CADM2: variants seen among roughly 807,000 people sequenced by gnomAD.
The protein encoded by CADM2 is cell adhesion molecule 2, also known as immunoglobulin superfamily member 4D.
CADM2 carries 12 observed loss-of-function variants against 49.8 expected under a neutral mutation model. The observed-to-expected ratio is 0.24, with a 90% CI of 0.15 to 0.39. CADM2 has a LOEUF of 0.39. CADM2 is among the 10% of genes least tolerant of loss of function. CADM2 has a pLI of 1.00. For synonymous variants in CADM2, 214 were observed against 175.4 expected, an observed-to-expected ratio of 1.22 and a Z score of -1.74; for missense variants, 378 against 492.3, an observed-to-expected ratio of 0.77 and a Z score of 2.20.
At chr3:85,853,433 C>G (rs1041186160) in intron 3 of CADM2, among the ~76,000 whole-genome samples, 1 of 151,560 alleles carries the variant, frequency 6.6e-6, no homozygotes, top group Non-Finnish European at 1.5e-5. Context: ...AAATTATAGG[C>G]GATTAAGCAA....
chr3:85,900,951 G>A (rs1716036615), intron 5 of CADM2, among the ~76,000 whole-genome samples: 1 of 152,098 alleles, frequency 6.6e-6, no homozygotes. Flanking sequence ...GACCTTCTTT[G>A]AATGCATAAG....
At chr3:85,673,790 AT>A in intron 1 of CADM2, among the ~76,000 whole-genome samples, 1 of 152,276 alleles carries the variant, frequency 6.6e-6, no homozygotes, top group East Asian at 1.9e-4. Context: ...ATGATGTGGC[AT>A]GTGTAGGATA....
At chr3:86,022,083 A>G (rs766110688) in intron 8 of CADM2, among the ~76,000 whole-genome samples, 1 of 152,166 alleles carries the variant, frequency 6.6e-6, no homozygotes, top group Non-Finnish European at 1.5e-5. Flanking sequence ...ACCTTATAAT[A>G]TCATGTTGTA....
At chr3:85,269,600 TAG>T (rs776864606) in intron 1 of CADM2, among the ~76,000 whole-genome samples, 29 of 151,316 alleles carry the variant, frequency 1.9e-4, no homozygotes, top group Non-Finnish European at 2.4e-4. Context: ...TTTGTATAGT[TAG>T]TTTAACATTT....
chr3:85,687,696 CA>C, intron 1 of CADM2, among the ~76,000 whole-genome samples: 1 of 152,216 alleles, frequency 6.6e-6, no homozygotes, highest in African/African-American at 2.4e-5. Flanking sequence ...TGTCGATATG[CA>C]AACATGAGAT....
intron 1 of CADM2, among the ~76,000 whole-genome samples, chr3:85,504,447 T>C (rs914924319): frequency 2.6e-5 from 4 of 152,174 alleles, no homozygotes; most frequent in African/African-American, 4.8e-5. Flanking sequence ...TCACTGCTGC[T>C]CGGGCAGCCT....
chr3:85,833,993 A>G (rs944237097), intron 3 of CADM2, among the ~76,000 whole-genome samples: 10 of 151,684 alleles, frequency 6.6e-5, no homozygotes, highest in Non-Finnish European at 8.9e-5. Flanking sequence ...ATCCATGTAC[A>G]TGGGATGTAT....
At position 85,205,782 on chromosome 3, in the gene CADM2, T is replaced by C. The variant is rs570476032; in HGVS notation, c.61+246114T>C. Reference sequence around the variant, plus strand: ...AGTTGGACATCATAATACATGAGTATTTAATTTGGAGGTCAAATTAACATC... The same window carrying C: ...AGTTGGACATCATAATACATGAGTACTTAATTTGGAGGTCAAATTAACATC... On this transcript the variant is annotated intron_variant, in intron 1 of 9. Coordinates refer to ENST00000383699, the MANE Select transcript of CADM2 (RefSeq NM_001167675.2). Among the ~76,000 whole-genome samples the C allele has an allele frequency of 1.3e-3, 193 of 152,242 alleles. 1 individual carries two copies. Among genetic ancestry groups the C allele is most frequent in the African/African-American group, 4.2e-3 (175 of 41,556 alleles).
At chr3:85,658,428 T>C (rs2065275229) in intron 1 of CADM2, among the ~76,000 whole-genome samples, 1 of 151,762 alleles carries the variant, frequency 6.6e-6, no homozygotes, top group East Asian at 1.9e-4. Context: ...ACATTTGCTT[T>C]TTTAAGCCAC....
chr3:85,326,601 T>C (rs896313900), intron 1 of CADM2, among the ~76,000 whole-genome samples: 1 of 152,300 alleles, frequency 6.6e-6, no homozygotes, highest in South Asian at 2.1e-4. Context: ...TAATCAATTT[T>C]GAAATGATTT....
rs1227194264 is a variant in CADM2 at position 85,621,410 on chromosome 3, C to T, written c.62-105112C>T. ...ATAATTCTACAGACACGTCATATTC[C>T]TATGTTAGCAATTTATAAGTATTCT... is the stretch of plus-strand genomic sequence containing the variant. On this transcript the variant is annotated intron_variant, in intron 1 of 9. Transcript: ENST00000383699. Among the ~76,000 whole-genome samples the T allele has an allele frequency of 3.3e-5, 5 of 151,940 alleles. No individual in the cohort carries two copies. In the East Asian group the frequency reaches 9.6e-4, roughly 29 times the overall value.
At chr3:85,184,313 G>T (rs922995467) in intron 1 of CADM2, among the ~76,000 whole-genome samples, 1 of 152,102 alleles carries the variant, frequency 6.6e-6, no homozygotes, top group Non-Finnish European at 1.5e-5. Context: ...CAACTCTTTT[G>T]GTAAGTGGGA....
chr3:85,788,708 C>A (rs1359251103), intron 2 of CADM2, among the ~76,000 whole-genome samples: 1 of 151,400 alleles, frequency 6.6e-6, no homozygotes, highest in Non-Finnish European at 1.5e-5. Flanking sequence ...TTAGGAAAAA[C>A]CAGCATGAAA....
chr3:85,377,146 G>T (rs2033639272), intron 1 of CADM2, among the ~76,000 whole-genome samples: 1 of 151,926 alleles, frequency 6.6e-6, no homozygotes, highest in African/African-American at 2.4e-5. Flanking sequence ...TGCCTATTTA[G>T]CAATATACAT....
intron 1 of CADM2, among the ~76,000 whole-genome samples, chr3:85,480,753 T>C (rs1421990087): frequency 6.6e-6 from 1 of 151,874 alleles, no homozygotes; most frequent in African/African-American, 2.4e-5. Context: ...TACAACAGGT[T>C]GCTCATTTCA....
chr3:85,059,458 G>A (rs1477784268), intron 1 of CADM2, among the ~76,000 whole-genome samples: 1 of 152,024 alleles, frequency 6.6e-6, no homozygotes, highest in Non-Finnish European at 1.5e-5. Context: ...AATGATAACT[G>A]ACACTAAGAG....
At chr3:85,333,331 A>G (rs1290214529) in intron 1 of CADM2, among the ~76,000 whole-genome samples, 1 of 151,880 alleles carries the variant, frequency 6.6e-6, no homozygotes, top group Non-Finnish European at 1.5e-5. Context: ...TGAGGGTGAT[A>G]GAATACCTTC....
At chr3:85,037,820 A>G (rs979511174) in intron 1 of CADM2, among the ~76,000 whole-genome samples, 2 of 152,128 alleles carry the variant, frequency 1.3e-5, no homozygotes, top group Admixed American at 6.5e-5. Flanking sequence ...GGTGAATATT[A>G]TATCCTCTTT....
chr3:85,955,764 C>G (rs1317085917), intron 7 of CADM2, among the ~76,000 whole-genome samples: 1 of 151,438 alleles, frequency 6.6e-6, no homozygotes, highest in Non-Finnish European at 1.5e-5. Flanking sequence ...GTGCAACATA[C>G]AGGTAATCTC....
Sources: allele counts gnomAD v4.1 joint callset (sites outside exome capture counted in the v4.1 genomes callset), GRCh38; gene constraint gnomAD v4.1.1; transcripts MANE v1.5; gene names NCBI Gene and HGNC (gene_info 2026-07-23, HGNC 2026-07-21).